Variants in CBLB observed in about 807,000 individuals in gnomAD.
The protein encoded by CBLB is Cbl proto-oncogene B.
CBLB carries 31 observed loss-of-function variants against 104.9 expected under a neutral mutation model. The observed-to-expected ratio is 0.30, with a 90% CI of 0.22 to 0.40. CBLB has a LOEUF of 0.40. Ranked by LOEUF, CBLB falls within the 10% of genes least tolerant of loss-of-function variation. CBLB has a pLI of 1.00. For missense variants in CBLB, 1,062 were observed against 1,214.6 expected (o/e 0.87, Z 1.87); for synonymous variants, 440 against 422.6 (o/e 1.04, Z -0.51).
intron 18 of CBLB, among the ~76,000 whole-genome samples, chr3:105,669,252 G>C (rs2064812398): frequency 6.6e-6 from 1 of 152,160 alleles, no homozygotes; most frequent in Non-Finnish European, 1.5e-5. Flanking sequence ...TTGGAGGGGA[G>C]GCTTTTGGGA....
intron 4 of CBLB, among the ~76,000 whole-genome samples, chr3:105,767,562 C>CTTTTTTTTTTTTTTTTTTTT (rs34794014): frequency 7.1e-6 from 1 of 141,144 alleles, no homozygotes; most frequent in Non-Finnish European, 1.5e-5. Context: ...CTTTTTCTTT[C>CTTTTTTTTTTTTTTTTTTTT]TTTTTTTTTT....
intron 3 of CBLB, among the ~76,000 whole-genome samples, chr3:105,802,692 C>T (rs1454595420): frequency 7.5e-6 from 1 of 133,398 alleles, no homozygotes; most frequent in Admixed American, 8.1e-5. Context: ...CATCTAGACA[C>T]ACCTTCAATC....
intron 9 of CBLB, among the ~76,000 whole-genome samples, chr3:105,733,426 A>G (rs1355370872): frequency 6.6e-6 from 1 of 152,020 alleles, no homozygotes; most frequent in African/African-American, 2.4e-5. Flanking sequence ...AAAACTTCAA[A>G]TCAATTTATA....
intron 12 of CBLB, among the ~76,000 whole-genome samples, chr3:105,697,221 T>C (rs1048438541): frequency 6.6e-6 from 1 of 151,976 alleles, no homozygotes; most frequent in Admixed American, 6.6e-5. Context: ...AGTGGAAGTG[T>C]AGACTTGTGA....
At position 105,737,264 on chromosome 3, in the gene CBLB, T is replaced by A. The variant is rs201462699; in HGVS notation, c.984-6A>T. ...TCCCATCAGGATAAAGATAACTGAA[T>A]TTAAACAGAAACTTTATTACCTTAA... On this transcript the variant is annotated splice_polypyrimidine_tract_variant and splice_region_variant and intron_variant, in intron 7 of 18. Coordinates refer to ENST00000394030, the MANE Select transcript of CBLB (RefSeq NM_170662.5). 2.1e-6 allele frequency: 3 copies of A among 1,440,838 alleles called. No individual in the cohort carries two copies. In the East Asian group the frequency reaches 6.9e-5, roughly 33 times the overall value. 89.3% of individuals were successfully genotyped at this position (1,440,838 alleles called of 1,614,324 possible). A position where few individuals can be genotyped will look rare whatever the true frequency, so the allele number is the denominator to read the frequency against.
rs146972194 is a variant in CBLB, at chr3:105,691,807, G to A, written c.2054+1687C>T. On this transcript the variant is annotated intron_variant, in intron 13 of 18. Transcript: ENST00000394030. ...GATCTAATTCGCTGAGTTTCCCACC[G>A]TCCCCTGAATGATGCCAAATTTCAC... Among the ~76,000 whole-genome samples, 24 of 152,104 alleles carry A rather than the reference G, an allele frequency of 1.6e-4. No homozygotes were observed. In the South Asian group the frequency reaches 1.7e-3, roughly 11 times the overall value.
chr3:105,799,661 A>G (rs1301700431), intron 3 of CBLB, among the ~76,000 whole-genome samples: 2 of 152,168 alleles, frequency 1.3e-5, no homozygotes, highest in Non-Finnish European at 2.9e-5. Flanking sequence ...AGAAAACAAT[A>G]AAATGTTTTT....
In CBLB at chr3:105,867,466, G is replaced by C. The variant is rs1327036904; in HGVS notation, c.112C>G (p.Gln38Glu). The C allele has an allele frequency of 6.2e-7, 1 of 1,614,168 alleles. No individual in the cohort carries two copies. The highest frequency in any genetic ancestry group is 2.2e-5 in the East Asian group (1 of 44,880). ...ACGGTCCTGCGATCTGCGGCAGCTT[G>C]CTTAGGGGGTCCAACTGCATCCTGA... ...AIQDAVGPPK[Q>E]AAADRRTVEK... The change falls in exon 2 of 19, where the codon CAA becomes GAA. Residue 38 changes from glutamine (Q) to glutamate (E), a missense_variant. Around this residue, in one of 2 missense-constraint regions of CBLB, gnomAD observed 457 missense variants for 632.0 expected, o/e 0.72. Coordinates refer to ENST00000394030, the MANE Select transcript of CBLB (RefSeq NM_170662.5).
intron 16 of CBLB, 136 bp from the exon 17 acceptor site, chr3:105,678,707 C>A: frequency 2.1e-6 from 2 of 968,692 alleles, no homozygotes; most frequent in South Asian, 1.4e-5. Flanking sequence ...AGCAGTTCAC[C>A]AACTTTGATA....
At position 105,657,809 on chromosome 3, in the gene CBLB, C is replaced by T; in HGVS notation, c.*1161G>A. ...TTAAATATGAACTCTAATTTGATTG[C>T]AGAGAGAAAATTACTGAGAACTTTG... On this transcript the variant is annotated 3_prime_UTR_variant, in exon 19 of 19. Transcript: ENST00000394030. 1 of 206,224 alleles carries T rather than the reference C, an allele frequency of 4.8e-6. No individual in the cohort carries two copies. Among genetic ancestry groups the T allele is most frequent in the Non-Finnish European group, 9.9e-6 (1 of 100,996 alleles). The allele number at this position is 206,224 out of a possible 1,614,324, so 12.8% of individuals were successfully genotyped here.
At position 105,703,990 on chromosome 3, in the gene CBLB, T is replaced by C; in HGVS notation, c.1591A>G (p.Lys531Glu). The C allele has an allele frequency of 6.2e-7, 1 of 1,613,850 alleles. No homozygotes were observed. Among genetic ancestry groups the C allele is most frequent in the Non-Finnish European group, 8.5e-7 (1 of 1,179,724 alleles). ...SPCGSPTGSPKSSPCMVRKQD... is the reference protein window; with the variant it reads ...SPCGSPTGSPESSPCMVRKQD... ...TGTTTCTAATAAAATTGATCTACCT[T>C]TGGTGAACCCGTTGGGCTGCCACAG... The change falls in exon 11 of 19, where the codon AAG becomes GAG. Residue 531 changes from lysine to glutamate, a missense_variant and splice_region_variant. Lys to Glu is a moderately conservative substitution (Grantham distance 56). Transcript: ENST00000394030.
At chr3:105,780,890 G>A (rs968121389) in intron 3 of CBLB, among the ~76,000 whole-genome samples, 1 of 151,816 alleles carries the variant, frequency 6.6e-6, no homozygotes, top group African/African-American at 2.4e-5. Flanking sequence ...TCTCAATCTC[G>A]ACCTCATGAT....
chr3:105,809,287 C>T (rs975212181), intron 3 of CBLB, among the ~76,000 whole-genome samples: 2 of 151,956 alleles, frequency 1.3e-5, no homozygotes, highest in African/African-American at 4.8e-5. Flanking sequence ...ACAAACATAC[C>T]CAACACTTGA....
rs910818353 is a variant in CBLB at position 105,856,272 on chromosome 3, C to T, written c.169-2608G>A. On this transcript the variant is annotated intron_variant, in intron 2 of 18. Coordinates refer to ENST00000394030, the MANE Select transcript of CBLB (RefSeq NM_170662.5). ...GGCTGAGGCAGGAGAATCACTTGAA[C>T]CCGGGAGGCAGAGGTTGCAGTGAGC... Among the ~76,000 whole-genome samples the T allele has an allele frequency of 2.0e-5, 3 of 150,728 alleles. No homozygotes were observed. The South Asian group carries it at 6.3e-4, about 32-fold the overall frequency.
At chr3:105,790,822 G>C (rs2081545878) in intron 3 of CBLB, among the ~76,000 whole-genome samples, 1 of 152,200 alleles carries the variant, frequency 6.6e-6, no homozygotes, top group South Asian at 2.1e-4. Context: ...AGGGATAGAA[G>C]TGATGTGTAT....
In CBLB at chr3:105,765,158, T is replaced by C. The variant is rs191681452; in HGVS notation, c.566+11238A>G. On this transcript the variant is annotated intron_variant, in intron 4 of 18. Transcript: ENST00000394030. ...TACACAAAACAACAGATAATTAATG[T>C]AGATGAAACAGCCTTAAGATGAAAG... is the stretch of plus-strand genomic sequence containing the variant. 1.7e-3 allele frequency among the ~76,000 whole-genome samples: 258 copies of C among 152,296 alleles called. 2 individuals are homozygous for C. Among genetic ancestry groups the C allele is most frequent in the African/African-American group, 5.9e-3 (246 of 41,570 alleles).
At position 105,800,553 on chromosome 3, in the gene CBLB, C is replaced by T. The variant is rs563826979; in HGVS notation, c.420-24011G>A. Among the ~76,000 whole-genome samples, 3 of 152,256 alleles carry T rather than the reference C, an allele frequency of 2.0e-5. No individual in the cohort carries two copies. The South Asian group carries it at 6.2e-4, about 32-fold the overall frequency. On this transcript the variant is annotated intron_variant, in intron 3 of 18. Transcript: ENST00000394030. ...CCATGACTGAGACTCACTGTCAAGA[C>T]ACGTGTTTGACAGAACAACTAGCCT... is the stretch of plus-strand genomic sequence containing the variant.
At chr3:105,869,250 G>T (rs1017315230), upstream of CBLB, 2 of 719,628 alleles carry the variant, frequency 2.8e-6, no homozygotes, top group Admixed American at 4.6e-5. Flanking sequence ...GACTCGGAGA[G>T]AAATGAGGGG....
intron 4 of CBLB, among the ~76,000 whole-genome samples, chr3:105,768,756 A>G (rs1349959029): frequency 2.0e-5 from 3 of 152,206 alleles, no homozygotes; most frequent in Non-Finnish European, 4.4e-5. Flanking sequence ...CAGCAACCAA[A>G]GTATAGAGTA....
Sources: gnomAD v4.1 joint callset for allele counts (sites outside exome capture counted in the v4.1 genomes callset) on GRCh38, gnomAD v4.1.1 for gene constraint, gnomAD v4.1.1 regional missense constraint, MANE v1.5 for transcripts, NCBI Gene and HGNC (gene_info 2026-07-23, HGNC 2026-07-21) for gene names.